Variants in DLGAP1 observed in about 807,000 individuals in gnomAD.
The protein encoded by DLGAP1 is disks large-associated protein 1.
DLGAP1 carries 11 observed loss-of-function variants against 90.8 expected under a neutral mutation model. The ratio of observed to expected loss-of-function variants is 0.12; its 90% CI spans 0.08 to 0.20. The LOEUF is 0.20. Among genes scored for constraint, DLGAP1 ranks in the 10% least tolerant of loss-of-function variants. DLGAP1 has a pLI of 1.00. For synonymous variants in DLGAP1, 558 were observed against 540.7 expected (o/e 1.03, Z -0.44); for missense variants, 1,050 against 1,333.8 (o/e 0.79, Z 3.31).
chr18:4,402,246 C>T (rs1160510815), intron 1 of DLGAP1, among the ~76,000 whole-genome samples: 1 of 152,194 alleles, frequency 6.6e-6, no homozygotes, highest in African/African-American at 2.4e-5. Flanking sequence ...TCCTTTAGGA[C>T]ATTAAGATGC....
rs188469312 is a variant in DLGAP1, at chr18:3,539,957, T to G, written c.2058-5342A>C. Among the ~76,000 whole-genome samples the G allele has an allele frequency of 1.5e-3, 233 of 152,316 alleles. No individual in the cohort carries two copies. In the Middle Eastern group the frequency reaches 0.024, roughly 16 times the overall value. On this transcript the variant is annotated intron_variant, in intron 9 of 12. Coordinates refer to ENST00000315677, the MANE Select transcript of DLGAP1 (RefSeq NM_004746.4). Reference sequence around the variant, plus strand: ...GAGAGCAATGCTAGCACTCTGCTATTCTTTCTTTCTTTGTACATGCCTTTA... The same window carrying G: ...GAGAGCAATGCTAGCACTCTGCTATGCTTTCTTTCTTTGTACATGCCTTTA...
intron 4 of DLGAP1, among the ~76,000 whole-genome samples, chr18:3,816,053 A>T (rs8089112): frequency 0.74 from 112,180 of 151,504 alleles, 41,866 homozygotes; most frequent in African/African-American, 0.83. Flanking sequence ...ATCCATTAAA[A>T]TAACATGGTA....
At chr18:3,543,316 G>C (rs56234003) in intron 9 of DLGAP1, among the ~76,000 whole-genome samples, 1 of 151,610 alleles carries the variant, frequency 6.6e-6, no homozygotes, top group Non-Finnish European at 1.5e-5. Context: ...GACTACAGGC[G>C]CCCACCACCA....
At chr18:4,439,820 T>A (rs1364221353) in intron 1 of DLGAP1, among the ~76,000 whole-genome samples, 2 of 149,942 alleles carry the variant, frequency 1.3e-5, no homozygotes, top group Admixed American at 1.3e-4. Context: ...TAAAAAATTT[T>A]AAAAAAAGAA....
chr18:3,647,928 T>C (rs999554674), intron 7 of DLGAP1, among the ~76,000 whole-genome samples: 2 of 152,346 alleles, frequency 1.3e-5, no homozygotes, highest in South Asian at 4.1e-4. Context: ...TGTTCTATAC[T>C]TTCTTCCAAT....
intron 9 of DLGAP1, among the ~76,000 whole-genome samples, chr18:3,536,305 C>A (rs1167665258): frequency 6.6e-6 from 1 of 150,938 alleles, no homozygotes; most frequent in African/African-American, 2.4e-5. Flanking sequence ...CTCACTGCAA[C>A]CTGTGACTCC....
rs374956733 is a variant in DLGAP1 at position 4,103,576 on chromosome 18, G to C, written c.-159+47604C>G. 7.4e-4 allele frequency among the ~76,000 whole-genome samples: 113 copies of C among 152,128 alleles called. 4 individuals are homozygous for C. The South Asian group carries it at 0.015, about 20-fold the overall frequency. On this transcript the variant is annotated intron_variant, in intron 2 of 12. Transcript: ENST00000315677. Reference sequence around the variant, plus strand: ...TCTTAAATAATAGAAGTTTTCTCCTGTCACCCCACTACACGTTTTGAATTA... The same window carrying C: ...TCTTAAATAATAGAAGTTTTCTCCTCTCACCCCACTACACGTTTTGAATTA...
At chr18:3,887,408 G>T (rs1020454801) in intron 3 of DLGAP1, among the ~76,000 whole-genome samples, 2 of 152,182 alleles carry the variant, frequency 1.3e-5, no homozygotes, top group African/African-American at 2.4e-5. Context: ...TTGTGCTAAA[G>T]ATTTCTCTAG....
intron 3 of DLGAP1, among the ~76,000 whole-genome samples, chr18:3,892,885 G>T (rs114921830): frequency 6.8e-6 from 1 of 147,360 alleles, no homozygotes; most frequent in Non-Finnish European, 1.5e-5. Context: ...TATATATAAA[G>T]AATTATAAAT....
At chr18:4,372,060 T>C (rs2081928315) in intron 1 of DLGAP1, among the ~76,000 whole-genome samples, 1 of 152,220 alleles carries the variant, frequency 6.6e-6, no homozygotes, top group South Asian at 2.1e-4. Flanking sequence ...ACACCAAAGA[T>C]ATTCTTAAAA....
At chr18:3,553,568 C>G (rs1286280985) in intron 9 of DLGAP1, among the ~76,000 whole-genome samples, 1 of 152,154 alleles carries the variant, frequency 6.6e-6, no homozygotes, top group Non-Finnish European at 1.5e-5. Context: ...GAGTCTCACT[C>G]TGTCGCCCAG....
intron 9 of DLGAP1, among the ~76,000 whole-genome samples, chr18:3,559,751 T>C (rs1205768307): frequency 1.3e-5 from 2 of 151,536 alleles, no homozygotes; most frequent in African/African-American, 4.9e-5. Flanking sequence ...GCCTCCCGAG[T>C]AGCTGGGACT....
intron 10 of DLGAP1, among the ~76,000 whole-genome samples, chr18:3,509,085 T>C (rs2050393130): frequency 6.6e-6 from 1 of 151,876 alleles, no homozygotes; most frequent in Non-Finnish European, 1.5e-5. Flanking sequence ...GGCTGGCTTG[T>C]TTTTCTAAAA....
At chr18:3,851,097 A>G (rs933621121) in intron 4 of DLGAP1, among the ~76,000 whole-genome samples, 2 of 152,194 alleles carry the variant, frequency 1.3e-5, no homozygotes. Flanking sequence ...AGCCAAGGAG[A>G]AAAGTCTTAA....
chr18:4,334,378 A>ACC (rs1205265399), intron 1 of DLGAP1, among the ~76,000 whole-genome samples: 1 of 151,872 alleles, frequency 6.6e-6, no homozygotes, highest in African/African-American at 2.4e-5. Context: ...GGTCAAAAGA[A>ACC]ATGGGATAAC....
At chr18:3,518,991 A>G (rs142426355) in intron 10 of DLGAP1, among the ~76,000 whole-genome samples, 3,340 of 152,298 alleles carry the variant, frequency 0.022, 37 homozygotes, top group South Asian at 0.035. Flanking sequence ...TTTTATGAGT[A>G]TAAGAAATCC....
intron 7 of DLGAP1, among the ~76,000 whole-genome samples, chr18:3,629,554 C>T (rs2058443929): frequency 6.6e-6 from 1 of 151,776 alleles, no homozygotes; most frequent in East Asian, 1.9e-4. Context: ...CGCCTGTAGT[C>T]CCAGCTACTC....
intron 10 of DLGAP1, among the ~76,000 whole-genome samples, chr18:3,510,065 A>G (rs899530234): frequency 6.6e-5 from 10 of 151,848 alleles, no homozygotes; most frequent in African/African-American, 2.4e-4. Flanking sequence ...TGCTTTTAAA[A>G]TCTCTTGGGA....
intron 5 of DLGAP1, among the ~76,000 whole-genome samples, chr18:3,754,012 AT>A (rs1003638797): frequency 1.2e-4 from 19 of 152,114 alleles, no homozygotes; most frequent in African/African-American, 4.6e-4. Flanking sequence ...TTATTTATTT[AT>A]TTTTGAGACA....
Sources: allele counts gnomAD v4.1 joint callset (sites outside exome capture counted in the v4.1 genomes callset), GRCh38; gene constraint gnomAD v4.1.1; transcripts MANE v1.5; gene names NCBI Gene and HGNC (gene_info 2026-07-23, HGNC 2026-07-21).